SPARC: variants seen among roughly 807,000 people sequenced by gnomAD.
SPARC encodes basement-membrane protein 40.
In SPARC, 23 loss-of-function variants were observed where a neutral mutation model predicts 37.7. The ratio of observed to expected loss-of-function variants is 0.61; its 90% CI spans 0.44 to 0.87. The LOEUF (loss-of-function observed/expected upper bound fraction) is 0.87, where lower values mean the gene tolerates loss of function less well. Among genes scored for constraint, SPARC ranks in the 40% least tolerant of loss-of-function variants. SPARC has a pLI of 0.00. For synonymous variants in SPARC, 155 were observed against 150.8 expected, an observed-to-expected ratio of 1.03 and a Z score of -0.20; for missense variants, 312 against 389.0, an observed-to-expected ratio of 0.80 and a Z score of 1.66.
In SPARC at chr5:151,680,216, C is replaced by CTTTTTTTTTTTTTT. The variant is rs58021431; in HGVS notation, c.-13-4029_-13-4016dup. Among the ~76,000 whole-genome samples the CTTTTTTTTTTTTTT allele has an allele frequency of 4.0e-4, 25 of 61,978 alleles. 6 individuals are homozygous for CTTTTTTTTTTTTTT. The highest frequency in any genetic ancestry group is 1.8e-3 in the East Asian group (3 of 1,658). 40.7% of individuals were successfully genotyped at this position (61,978 alleles called of 152,430 possible). On this transcript the variant is annotated intron_variant, in intron 1 of 9. Coordinates refer to ENST00000231061, the MANE Select transcript of SPARC (RefSeq NM_003118.4). ...TGCAATAGAGAATAGTGGAAAACAT[C>CTTTTTTTTTTTTTT]TTTTTTTTTTTTTTTTTTTTTTTTT...
chr5:151,671,585 G>A lies in SPARC; in HGVS notation c.318C>T (p.Gly106=), dbSNP rs1760749202. ...QDPTSCPAPI[G]EFEKVCSNDN... ...TCTCAGCCCTCACCTTCTCAAACTC[G>A]CCAATGGGGGCTGGGCAGCTGGTGG... The change falls in exon 5 of 10, where the codon GGC becomes GGT. Residue 106 remains glycine (G), a synonymous_variant. Transcript: ENST00000231061. The A allele has an allele frequency of 1.3e-6, 2 of 1,577,492 alleles. No individual in the cohort carries two copies. Among genetic ancestry groups the A allele is most frequent in the Non-Finnish European group, 1.7e-6 (2 of 1,162,696 alleles).
In SPARC at chr5:151,669,724, T is replaced by C. The variant is rs759764162; in HGVS notation, c.391A>G (p.Thr131Ala). Reference protein sequence around the residue: ...SSCHFFATKCTLEGTKKGHKL... With the variant: ...SSCHFFATKCALEGTKKGHKL... ...TGGCCCTTCTTGGTGCCCTCCAGGG[T>C]GCACTTTGTGGCAAAGAAGTGGCAG... The change falls in exon 6 of 10, where the codon ACC (threonine) becomes GCC (alanine). Residue 131 changes from threonine (T) to alanine (A), a missense_variant. Physicochemically the swap from Thr to Ala is moderately conservative, Grantham distance 58. Coordinates refer to ENST00000231061, the MANE Select transcript of SPARC (RefSeq NM_003118.4). 6.2e-7 allele frequency: 1 copy of C among 1,614,096 alleles called. No homozygotes were observed.
At chr5:151,676,083 T>A in intron 2 of SPARC, 49 bp downstream of exon 2, 2 of 1,502,916 alleles carry the variant, frequency 1.3e-6, no homozygotes, top group Non-Finnish European at 1.8e-6. Context: ...GAACCCCTGG[T>A]GCTAGCGGTA....
In SPARC at chr5:151,663,503, T is replaced by A; in HGVS notation, c.*68A>T. 6.8e-7 allele frequency: 1 copy of A among 1,474,990 alleles called. No individual in the cohort carries two copies. The highest frequency in any genetic ancestry group is 9.5e-7 in the Non-Finnish European group (1 of 1,055,094). The allele number at this position is 1,474,990 out of a possible 1,614,324, so 91.4% of individuals were successfully genotyped here. On this transcript the variant is annotated 3_prime_UTR_variant, in exon 10 of 10. Coordinates refer to ENST00000231061, the MANE Select transcript of SPARC (RefSeq NM_003118.4). ...GCAGAACAACAAACCATCCAAACATTTTAAACATTGGGGGAAACACGAAGG... is the reference window on the plus strand; with the variant it reads ...GCAGAACAACAAACCATCCAAACATATTAAACATTGGGGGAAACACGAAGG...
intron 1 of SPARC, among the ~76,000 whole-genome samples, chr5:151,681,834 A>G (rs571780118): frequency 6.6e-6 from 1 of 152,366 alleles, no homozygotes; most frequent in South Asian, 2.1e-4. Flanking sequence ...CAGAGGTTGC[A>G]GTGAGCCAAG....
At chr5:151,669,830 T>G (rs1369951071) in intron 5 of SPARC, 46 bp from the exon 6 acceptor site, 1 of 1,610,052 alleles carries the variant, frequency 6.2e-7, no homozygotes, top group Non-Finnish European at 8.5e-7. Flanking sequence ...CCCAAAGCCC[T>G]TCGCTGATAC....
At chr5:151,674,007 T>TGC (rs1760803875) in intron 3 of SPARC, among the ~76,000 whole-genome samples, 1 of 131,500 alleles carries the variant, frequency 7.6e-6, no homozygotes, top group Admixed American at 8.4e-5. Context: ...TGTGTGTGTG[T>TGC]GCTTGTTTGT....
intron 8 of SPARC, among the ~76,000 whole-genome samples, chr5:151,665,483 G>A (rs1039253941): frequency 6.6e-6 from 1 of 152,134 alleles, no homozygotes; most frequent in African/African-American, 2.4e-5. Flanking sequence ...AGCGAGGGGT[G>A]AACATCCTAG....
chr5:151,665,189 C>T (rs1581519089), intron 8 of SPARC, among the ~76,000 whole-genome samples: 1 of 152,210 alleles, frequency 6.6e-6, no homozygotes, highest in South Asian at 2.1e-4. Flanking sequence ...AAGCGGGTCC[C>T]CTTGCCCAAG....
chr5:151,685,436 A>T (rs922244701), intron 1 of SPARC, among the ~76,000 whole-genome samples: 3 of 151,430 alleles, frequency 2.0e-5, no homozygotes, highest in African/African-American at 2.4e-5. Flanking sequence ...ACACACACAC[A>T]CACACACACA....
chr5:151,676,397 ATGTC>A (rs1410551505), intron 1 of SPARC, among the ~76,000 whole-genome samples, 196 bp from the exon 2 acceptor site: 1 of 152,218 alleles, frequency 6.6e-6, no homozygotes, highest in Non-Finnish European at 1.5e-5. Flanking sequence ...TGGTGCCAAG[ATGTC>A]TTAAACACCT....
intron 6 of SPARC, among the ~76,000 whole-genome samples, chr5:151,667,900 T>C (rs1760665018): frequency 6.6e-6 from 1 of 152,216 alleles, no homozygotes; most frequent in Non-Finnish European, 1.5e-5. Context: ...TGATCCTAGC[T>C]GAGACTGAGC....
At position 151,663,523 on chromosome 5, in the gene SPARC, C is replaced by T. The variant is rs572801238; in HGVS notation, c.*48G>A. 11 of 1,575,288 alleles carry T rather than the reference C, an allele frequency of 7.0e-6. No individual in the cohort carries two copies. The highest frequency in any genetic ancestry group is 9.6e-6 in the Non-Finnish European group (11 of 1,145,808). On this transcript the variant is annotated 3_prime_UTR_variant, in exon 10 of 10. Coordinates refer to ENST00000231061, the MANE Select transcript of SPARC (RefSeq NM_003118.4). ...AACATTTTAAACATTGGGGGAAACA[C>T]GAAGGGGAGGGTTAAAGAGAGAATC...
chr5:151,674,882 C>G (rs1473931108), intron 2 of SPARC, among the ~76,000 whole-genome samples: 1 of 152,106 alleles, frequency 6.6e-6, no homozygotes, highest in Non-Finnish European at 1.5e-5. Flanking sequence ...TCAAGCAGCT[C>G]CCATTTTATA....
At chr5:151,665,183 G>A (rs1404598503) in intron 8 of SPARC, among the ~76,000 whole-genome samples, 1 of 152,184 alleles carries the variant, frequency 6.6e-6, no homozygotes, top group Non-Finnish European at 1.5e-5. Flanking sequence ...AGGAGGAAGC[G>A]GGTCCCCTTG....
At chr5:151,670,016 G>A (rs1760716109) in intron 5 of SPARC, among the ~76,000 whole-genome samples, 1 of 152,204 alleles carries the variant, frequency 6.6e-6, no homozygotes, top group East Asian at 1.9e-4. Context: ...GCAGAGGCAT[G>A]ACTGAGTCAG....
chr5:151,681,364 T>A (rs564061653), intron 1 of SPARC, among the ~76,000 whole-genome samples: 1 of 152,304 alleles, frequency 6.6e-6, no homozygotes, highest in African/African-American at 2.4e-5. Context: ...TGAGAGCAAG[T>A]CAGCATGTCT....
At chr5:151,672,863 A>G (rs989700619) in intron 4 of SPARC, 10 of 473,090 alleles carry the variant, frequency 2.1e-5, no homozygotes, top group African/African-American at 1.8e-4. Flanking sequence ...GCAAAGAGCT[A>G]TGAGGGGAGA....
Position 151,674,603 on chromosome 5 carries a change from C to A in SPARC, c.120+9G>T. 1 of 1,613,532 alleles carries A rather than the reference C, an allele frequency of 6.2e-7. No homozygotes were observed. Among genetic ancestry groups the A allele is most frequent in the Non-Finnish European group, 8.5e-7 (1 of 1,179,496 alleles). ...AGGGGCTAAGGGGCTGCGGTCACTG[C>A]CCACATACCTCAGTCACCTCTGCCA... is the stretch of plus-strand genomic sequence containing the variant. On this transcript the variant is annotated intron_variant, in intron 3 of 9. Transcript: ENST00000231061.
Sources: allele counts gnomAD v4.1 joint callset (sites outside exome capture counted in the v4.1 genomes callset), GRCh38; gene constraint gnomAD v4.1.1; transcripts MANE v1.5; gene names NCBI Gene and HGNC (gene_info 2026-07-23, HGNC 2026-07-21).